Variants in PPARGC1B observed in about 807,000 individuals in gnomAD.
PPARGC1B encodes PPARG coactivator 1 beta, also known as peroxisome proliferator-activated receptor gamma coactivator 1-beta.
A neutral mutation model predicts 101.6 loss-of-function variants in PPARGC1B; 34 were observed. The observed-to-expected ratio is 0.33, with a 90% CI of 0.25 to 0.45. The LOEUF (loss-of-function observed/expected upper bound fraction) is 0.45, where lower values mean the gene tolerates loss of function less well. Ranked by LOEUF, PPARGC1B falls within the 20% of genes least tolerant of loss-of-function variation. The pLI is 1.00. For missense variants in PPARGC1B, 1,234 were observed against 1,317.6 expected, an observed-to-expected ratio of 0.94 and a Z score of 0.98; for synonymous variants, 548 against 539.3, an observed-to-expected ratio of 1.02 and a Z score of -0.22.
intron 1 of PPARGC1B, chr5:149,817,711 C>G: frequency 2.2e-6 from 1 of 456,484 alleles, no homozygotes; most frequent in Admixed American, 2.3e-5. Context: ...AATAAAGTGA[C>G]TGACAATACC....
intron 1 of PPARGC1B, among the ~76,000 whole-genome samples, chr5:149,777,189 AGCACTTAGTATAT>A (rs1177474329): frequency 6.6e-6 from 1 of 152,196 alleles, no homozygotes; most frequent in Admixed American, 6.5e-5. Flanking sequence ...ATTTATCAAA[AGCACTTAGTATAT>A]GCCCTGGCTT....
chr5:149,807,957 A>T (rs1268476224), intron 1 of PPARGC1B, among the ~76,000 whole-genome samples: 1 of 152,206 alleles, frequency 6.6e-6, no homozygotes, highest in East Asian at 1.9e-4. Context: ...ATTTAAGGAG[A>T]TGCTAAAAAA....
chr5:149,845,896 C>T lies in PPARGC1B; in HGVS notation c.2953C>T (p.Pro985Ser), dbSNP rs934860118. The change falls in exon 11 of 12, where the codon CCC (proline) becomes TCC (serine). Residue 985 changes from proline to serine, a missense_variant. Around this residue, in one of 3 missense-constraint regions of PPARGC1B, gnomAD observed 497 missense variants for 529.5 expected, o/e 0.94. Coordinates refer to ENST00000309241, the MANE Select transcript of PPARGC1B (RefSeq NM_133263.4). The stretch of plus-strand genomic sequence containing the variant: ...CGGAGGGCTCCGGCACTTCTGCTGG[C>T]CCAGATACACTGACTACGGTAAGCC... ...SYGGLRHFCW[P>S]RYTDYDSNSE... 5 of 1,614,256 alleles carry T rather than the reference C, an allele frequency of 3.1e-6. No homozygotes were observed. The Admixed American group carries it at 6.7e-5, about 22-fold the overall frequency.
chr5:149,827,023 A>G, intron 3 of PPARGC1B, 138 bp downstream of exon 3: 1 of 714,936 alleles, frequency 1.4e-6, no homozygotes, highest in Non-Finnish European at 2.3e-6. Context: ...CACAGCAGAG[A>G]GCGTGGGCCG....
At chr5:149,795,559 G>A (rs564250867) in intron 1 of PPARGC1B, among the ~76,000 whole-genome samples, 1 of 152,306 alleles carries the variant, frequency 6.6e-6, no homozygotes, top group South Asian at 2.1e-4. Context: ...GGAGAAAGGA[G>A]CAGTGGGGAG....
At chr5:149,759,528 A>C (rs548845504) in intron 1 of PPARGC1B, among the ~76,000 whole-genome samples, 1 of 152,312 alleles carries the variant, frequency 6.6e-6, no homozygotes, top group African/African-American at 2.4e-5. Context: ...CCCAGAAGCC[A>C]GACACTGAGG....
rs1230011587 is a variant in PPARGC1B at position 149,830,855 on chromosome 5, G to C, written c.554G>C (p.Arg185Thr). 13 of 1,613,774 alleles carry C rather than the reference G, an allele frequency of 8.1e-6. No individual in the cohort carries two copies. Among genetic ancestry groups the C allele is most frequent in the Non-Finnish European group, 1.1e-5 (13 of 1,179,756 alleles). ...ACCGCCTGGCGCCAGGCAGGCCTCAGATCTAAAAGTCAACGGCCTTGTGTT... is the reference window on the plus strand; with the variant it reads ...ACCGCCTGGCGCCAGGCAGGCCTCACATCTAAAAGTCAACGGCCTTGTGTT... Reference protein sequence around the residue: ...EGTAWRQAGLRSKSQRPCVKA... With the variant: ...EGTAWRQAGLTSKSQRPCVKA... Residue 185 changes from arginine (R) to threonine (T), a missense_variant, in exon 4 of 12, where the codon AGA becomes ACA. This residue lies in a region of PPARGC1B where 734 missense variants were observed against 768.4 expected (regional missense o/e 0.96). Transcript: ENST00000309241.
At chr5:149,808,729 C>T (rs997222581) in intron 1 of PPARGC1B, among the ~76,000 whole-genome samples, 5 of 152,146 alleles carry the variant, frequency 3.3e-5, no homozygotes, top group African/African-American at 9.7e-5. Flanking sequence ...CTTTACAAGA[C>T]ACTCATTTTG....
Position 149,837,039 on chromosome 5 carries a change from C to G in PPARGC1B, c.2584C>G (p.His862Asp), listed in dbSNP as rs1759123150. The change falls in exon 8 of 12, where the codon CAC becomes GAC. Residue 862 changes from histidine (H) to aspartate (D), a missense_variant. Coordinates refer to ENST00000309241, the MANE Select transcript of PPARGC1B (RefSeq NM_133263.4). The surrounding 1 kb of genome is among the most constrained non-coding windows in gnomAD (Gnocchi z 4.2). ...SRSSSGSSPC[H>D]SWSPATRRNF... ...CTCAAGCTCTGGCTCTTCACCCTGC[C>G]ACTCCTGGTCACCAGCCACTCGAAG... The G allele has an allele frequency of 6.2e-7, 1 of 1,613,406 alleles. No individual in the cohort carries two copies. The highest frequency in any genetic ancestry group is 8.5e-7 in the Non-Finnish European group (1 of 1,179,920).
At chr5:149,791,534 T>C (rs1310389862) in intron 1 of PPARGC1B, among the ~76,000 whole-genome samples, 1 of 152,040 alleles carries the variant, frequency 6.6e-6, no homozygotes. Context: ...CCACTCCAGA[T>C]TGGGGCTGGG....
intron 1 of PPARGC1B, among the ~76,000 whole-genome samples, chr5:149,782,330 T>C (rs771699279): frequency 2.0e-5 from 3 of 152,194 alleles, no homozygotes; most frequent in Non-Finnish European, 4.4e-5. Context: ...TCTTCAAAGA[T>C]GAATATCTGC....
At chr5:149,839,977 T>G in intron 8 of PPARGC1B, 64 bp from the exon 9 acceptor site, 4 of 1,528,844 alleles carry the variant, frequency 2.6e-6, no homozygotes, top group Non-Finnish European at 3.6e-6. Context: ...CTGGAGCAGA[T>G]CCGCCCCCAC....
At chr5:149,831,251 C>T (rs1207422924) in intron 4 of PPARGC1B, among the ~76,000 whole-genome samples, 1 of 152,128 alleles carries the variant, frequency 6.6e-6, no homozygotes, top group Admixed American at 6.5e-5. Context: ...TTTTTTCCCC[C>T]CTCAGGGAGC....
Position 149,830,871 on chromosome 5 carries a change from G to A in PPARGC1B, c.570G>A (p.Arg190=). The A allele has an allele frequency of 6.2e-7, 1 of 1,612,288 alleles. No homozygotes were observed. The highest frequency in any genetic ancestry group is 8.5e-7 in the Non-Finnish European group (1 of 1,178,288). ...RQAGLRSKSQ[R]PCVKADSTQD... ...CAGGCCTCAGATCTAAAAGTCAACG[G>A]CCTTGTGTTAAGGTATTTCTTCACA... Residue 190 remains arginine, a synonymous_variant, in exon 4 of 12, where the codon CGG becomes CGA. Coordinates refer to ENST00000309241, the MANE Select transcript of PPARGC1B (RefSeq NM_133263.4).
chr5:149,766,845 G>C (rs1185384288), intron 1 of PPARGC1B, among the ~76,000 whole-genome samples: 2 of 152,210 alleles, frequency 1.3e-5, no homozygotes, highest in African/African-American at 2.4e-5. Flanking sequence ...GGGGAAAGTA[G>C]GTTTTCTCTG....
chr5:149,791,803 C>T lies in PPARGC1B; in HGVS notation c.79-28630C>T, dbSNP rs189702734. Among the ~76,000 whole-genome samples, 1,217 of 152,324 alleles carry T rather than the reference C, an allele frequency of 8.0e-3. 59 individuals are homozygous for T. The highest frequency in any genetic ancestry group is 0.074 in the Admixed American group (1,139 of 15,306). ...CAGTACCCTTCCCTACCTTTAACAA[C>T]TTCTGACAGATTAAGATAATGAGGG... On this transcript the variant is annotated intron_variant, in intron 1 of 11. Transcript: ENST00000309241.
chr5:149,745,638 G>C (rs191451437), intron 1 of PPARGC1B, among the ~76,000 whole-genome samples: 1 of 152,134 alleles, frequency 6.6e-6, no homozygotes, highest in Admixed American at 6.5e-5. Flanking sequence ...AATAATGCCC[G>C]TGGAGAGCAG....
At chr5:149,776,570 G>A (rs1756366435) in intron 1 of PPARGC1B, among the ~76,000 whole-genome samples, 2 of 152,150 alleles carry the variant, frequency 1.3e-5, no homozygotes, top group Non-Finnish European at 2.9e-5. Context: ...CGTTGAACTA[G>A]GGGATCTTGA....
At chr5:149,840,193 C>A (rs1053511632) in intron 9 of PPARGC1B, 77 bp downstream of exon 9, 7 of 1,392,342 alleles carry the variant, frequency 5.0e-6, no homozygotes, top group Non-Finnish European at 6.8e-6. Flanking sequence ...TGGACCAAAG[C>A]CTTTTGAGGC....
Sources: gnomAD v4.1 joint callset for allele counts (sites outside exome capture counted in the v4.1 genomes callset) on GRCh38, gnomAD v4.1.1 for gene constraint, gnomAD v4.1.1 regional missense constraint, Gnocchi (gnomAD v3.1) non-coding constraint, MANE v1.5 for transcripts, NCBI Gene and HGNC (gene_info 2026-07-23, HGNC 2026-07-21) for gene names.